PEAK1: variants seen among roughly 807,000 people sequenced by gnomAD.
The protein encoded by PEAK1 is inactive tyrosine-protein kinase PEAK1.
Under a neutral mutation model 124.7 loss-of-function variants are expected in PEAK1, and 54 were observed. That is an observed-to-expected ratio of 0.43 (90% CI 0.35 to 0.54). The LOEUF (loss-of-function observed/expected upper bound fraction) is 0.54. Ranked by LOEUF, PEAK1 falls within the 20% of genes least tolerant of loss-of-function variation. The pLI, the probability that PEAK1 is intolerant of heterozygous loss-of-function variation, is 0.01. For missense variants in PEAK1, 2,046 were observed against 2,134.5 expected, an observed-to-expected ratio of 0.96 and a Z score of 0.82; for synonymous variants, 719 against 760.0, an observed-to-expected ratio of 0.95 and a Z score of 0.89.
chr15:77,168,914 CG>C (rs1400931066), intron 7 of PEAK1, among the ~76,000 whole-genome samples: 6 of 152,012 alleles, frequency 3.9e-5, no homozygotes, highest in Non-Finnish European at 8.8e-5. Flanking sequence ...ATGTACATGC[CG>C]GGGGTCTTTG....
rs2057038342 is a variant in PEAK1, at chr15:77,178,695, G to A, written c.3137+95C>T. Reference sequence around the variant, plus strand: ...GGCCACAGAGTGCTACTTACAAACAGAAATGGTTCTTATGCAATCTTAAAA... The same window carrying A: ...GGCCACAGAGTGCTACTTACAAACAAAAATGGTTCTTATGCAATCTTAAAA... On this transcript the variant is annotated intron_variant, in intron 7 of 9. Transcript: ENST00000682557. 3.2e-6 allele frequency: 4 copies of A among 1,243,874 alleles called. No individual in the cohort carries two copies. The African/African-American group carries it at 6.0e-5, about 19-fold the overall frequency. 77.1% of individuals were successfully genotyped at this position (1,243,874 alleles called of 1,614,324 possible). A position where few individuals can be genotyped will look rare whatever the true frequency, so the allele number is the denominator to read the frequency against.
At chr15:77,285,352 T>C (rs921130180) in intron 3 of PEAK1, among the ~76,000 whole-genome samples, 13 of 152,178 alleles carry the variant, frequency 8.5e-5, no homozygotes, top group East Asian at 1.9e-4. Flanking sequence ...TTTTGAGGAA[T>C]AGAGAATACT....
intron 5 of PEAK1, among the ~76,000 whole-genome samples, chr15:77,256,648 G>A (rs2061152442): frequency 6.6e-6 from 1 of 151,808 alleles, no homozygotes; most frequent in Admixed American, 6.6e-5. Context: ...AAATTCAAAT[G>A]TCATGGTCCA....
intron 5 of PEAK1, among the ~76,000 whole-genome samples, chr15:77,268,400 G>A (rs2061852004): frequency 6.6e-6 from 1 of 151,926 alleles, no homozygotes; most frequent in Non-Finnish European, 1.5e-5. Flanking sequence ...CTTGAACCTG[G>A]GAGGCAGAGG....
intron 1 of PEAK1, among the ~76,000 whole-genome samples, chr15:77,374,092 G>C (rs946162390): frequency 2.0e-5 from 3 of 152,142 alleles, no homozygotes; most frequent in Admixed American, 1.3e-4. Context: ...TAAAAGCAAA[G>C]TTTCTATAAA....
chr15:77,105,363 CGT>C, downstream of PEAK1: 1 of 151,286 alleles, frequency 6.6e-6, no homozygotes, highest in African/African-American at 2.5e-5. Flanking sequence ...TGTGTGCGCG[CGT>C]GCGCGCACAT....
At chr15:77,212,991 AC>A (rs1308936231) in intron 6 of PEAK1, among the ~76,000 whole-genome samples, 1 of 152,212 alleles carries the variant, frequency 6.6e-6, no homozygotes, top group Non-Finnish European at 1.5e-5. Context: ...TTTTAAAGGA[AC>A]ACATAAGCTT....
intron 6 of PEAK1, among the ~76,000 whole-genome samples, chr15:77,237,816 C>T (rs114658585): frequency 2.0e-5 from 3 of 152,130 alleles, no homozygotes; most frequent in East Asian, 1.9e-4. Context: ...AATATCTCTT[C>T]GTTTCTTTTA....
At chr15:77,102,399 T>C (rs1487951600) in exon 7 of PEAK1, 1 of 152,214 alleles carries the variant, frequency 6.6e-6, no homozygotes, top group Non-Finnish European at 1.5e-5. Flanking sequence ...GTTTATCACC[T>C]TTAGTCAAAC....
intron 6 of PEAK1, among the ~76,000 whole-genome samples, chr15:77,221,442 G>C (rs191379645): frequency 1.3e-5 from 2 of 152,156 alleles, no homozygotes; most frequent in Admixed American, 6.6e-5. Context: ...AATACGTGTA[G>C]ATATTTTGAA....
rs528070740 is a variant in PEAK1, at chr15:77,293,238, ATACTCCAAAAATGT to A, written c.-602-6748_-602-6735del. On this transcript the variant is annotated intron_variant, in intron 2 of 9. Transcript: ENST00000682557. ...GTTTACTGCCTTCCCTCTTTATCTC[ATACTCCAAAAATGT>A]TACTGCCACTGTTCTCTTTTAAAAA... Among the ~76,000 whole-genome samples the A allele has an allele frequency of 1.5e-4, 23 of 152,288 alleles. No homozygotes were observed. The East Asian group carries it at 3.7e-3, about 24-fold the overall frequency.
chr15:77,336,834 G>A (rs1000928440), intron 2 of PEAK1, among the ~76,000 whole-genome samples: 1 of 151,306 alleles, frequency 6.6e-6, no homozygotes, highest in African/African-American at 2.4e-5. Context: ...GCAGTCAGAA[G>A]TAATGAACCA....
chr15:77,337,315 T>C (rs2066263678), intron 2 of PEAK1: 1 of 982,204 alleles, frequency 1.0e-6, no homozygotes. Context: ...GTGCCAGGAA[T>C]GGTATTTCAT....
chr15:77,416,255 T>C (rs2072877454), intron 1 of PEAK1, among the ~76,000 whole-genome samples: 1 of 152,234 alleles, frequency 6.6e-6, no homozygotes, highest in South Asian at 2.1e-4. Flanking sequence ...GATGGTTGGC[T>C]TCTCTTCAGC....
chr15:77,406,157 C>T (rs1003217983), intron 1 of PEAK1, among the ~76,000 whole-genome samples: 43 of 152,120 alleles, frequency 2.8e-4, no homozygotes, highest in Non-Finnish European at 1.5e-4. Flanking sequence ...CTTTTAACTT[C>T]AGGAACAATA....
At chr15:77,191,869 A>C (rs978845051) in intron 6 of PEAK1, among the ~76,000 whole-genome samples, 1 of 152,158 alleles carries the variant, frequency 6.6e-6, no homozygotes, top group Non-Finnish European at 1.5e-5. Context: ...GAGAGGCTAA[A>C]TTGATAATTT....
intron 5 of PEAK1, among the ~76,000 whole-genome samples, chr15:77,264,786 C>T (rs1207539599): frequency 3.3e-5 from 5 of 151,924 alleles, no homozygotes; most frequent in African/African-American, 7.3e-5. Context: ...AAAAAGAGCC[C>T]GCATCGCCAA....
intron 1 of PEAK1, among the ~76,000 whole-genome samples, chr15:77,414,157 CTTCT>C (rs2072651851): frequency 6.6e-6 from 1 of 151,364 alleles, no homozygotes; most frequent in South Asian, 2.1e-4. Context: ...TCCTTCCTTC[CTTCT>C]TTCTCTTTCC....
chr15:77,293,850 A>G (rs2063351144), intron 2 of PEAK1, among the ~76,000 whole-genome samples: 1 of 152,182 alleles, frequency 6.6e-6, no homozygotes, highest in African/African-American at 2.4e-5. Flanking sequence ...GTATGACTTT[A>G]AAAAACAGGG....
Sources: gnomAD v4.1 joint callset for allele counts (sites outside exome capture counted in the v4.1 genomes callset) on GRCh38, gnomAD v4.1.1 for gene constraint, MANE v1.5 for transcripts, NCBI Gene and HGNC (gene_info 2026-07-23, HGNC 2026-07-21) for gene names.